PTPRD: variants seen among roughly 807,000 people sequenced by gnomAD.
PTPRD encodes the protein receptor-type tyrosine-protein phosphatase delta.
A neutral mutation model predicts 214.5 loss-of-function variants in PTPRD; 34 were observed. That is an observed-to-expected ratio of 0.16 (90% CI 0.12 to 0.21). The LOEUF (loss-of-function observed/expected upper bound fraction) is 0.21, where lower values mean the gene tolerates loss of function less well. Among genes scored for constraint, PTPRD ranks in the 10% least tolerant of loss-of-function variants. The probability of loss-of-function intolerance (pLI) is 1.00; values close to 1 mark genes in which losing one functional copy is unlikely to be tolerated. For missense variants in PTPRD, 2,545 were observed against 2,398.7 expected (o/e 1.06, Z -1.27); for synonymous variants, 1,128 against 845.7 (o/e 1.33, Z -5.79).
chr9:9,676,090 G>A (rs1311418186), intron 7 of PTPRD, among the ~76,000 whole-genome samples: 2 of 151,868 alleles, frequency 1.3e-5, no homozygotes, highest in South Asian at 4.2e-4. Context: ...TATTCTAAAA[G>A]AATTTTGTGT....
chr9:8,350,075 T>A (rs2075016517), intron 39 of PTPRD, among the ~76,000 whole-genome samples: 1 of 152,162 alleles, frequency 6.6e-6, no homozygotes, highest in Non-Finnish European at 1.5e-5. Flanking sequence ...TTACAACATT[T>A]GTTTTCAATT....
chr9:9,329,131 T>G (rs1238814242), intron 9 of PTPRD, among the ~76,000 whole-genome samples: 1 of 152,132 alleles, frequency 6.6e-6, no homozygotes, highest in African/African-American at 2.4e-5. Flanking sequence ...TGTGCAGTAA[T>G]GTATCTCAGC....
chr9:9,778,294 C>G (rs1318204648), intron 5 of PTPRD, among the ~76,000 whole-genome samples: 6 of 152,104 alleles, frequency 3.9e-5, no homozygotes. Context: ...ATAACTCACT[C>G]TCTCTGTGGA....
chr9:10,330,720 A>G (rs2096733668), intron 3 of PTPRD, among the ~76,000 whole-genome samples: 1 of 151,774 alleles, frequency 6.6e-6, no homozygotes, highest in Non-Finnish European at 1.5e-5. Flanking sequence ...CCAAAGGTGG[A>G]TGTAGGGTGT....
At chr9:9,998,123 A>ATATATATATATATATATATATAT (rs1555449048) in intron 4 of PTPRD, among the ~76,000 whole-genome samples, 1 of 47,734 alleles carries the variant, frequency 2.1e-5, no homozygotes, top group African/African-American at 1.0e-4. Context: ...AATAAAAAAA[A>ATATATATATATATATATATATAT]AAAAAAATAT....
At chr9:9,952,532 C>G (rs1161243302) in intron 4 of PTPRD, among the ~76,000 whole-genome samples, 1 of 152,144 alleles carries the variant, frequency 6.6e-6, no homozygotes, top group African/African-American at 2.4e-5. Context: ...GATTGTTTCT[C>G]ACTCGTTCTG....
At chr9:9,045,324 C>A (rs996988718) in intron 10 of PTPRD, among the ~76,000 whole-genome samples, 2 of 152,164 alleles carry the variant, frequency 1.3e-5, no homozygotes, top group Admixed American at 6.6e-5. Flanking sequence ...TGAACCATTT[C>A]TCTTTAGCAC....
chr9:10,116,168 G>T (rs2197048), intron 3 of PTPRD, among the ~76,000 whole-genome samples: 17,611 of 152,012 alleles, frequency 0.12, 1,127 homozygotes, highest in South Asian at 0.28. Context: ...AAGACCATAG[G>T]AGGTTTGCAG....
Position 8,497,239 on chromosome 9 carries a change from C to A in PTPRD, c.2349+3G>T. On this transcript the variant is annotated splice_donor_region_variant and intron_variant, in intron 26 of 45. Transcript: ENST00000381196. ...TTTGACAAAACAGTCAAAAATTACT[C>A]ACATGTTCAGTAGTATCATCAAATT... 1 of 1,591,742 alleles carries A rather than the reference C, an allele frequency of 6.3e-7. No homozygotes were observed. Among genetic ancestry groups the A allele is most frequent in the South Asian group, 1.2e-5 (1 of 85,720 alleles).
chr9:8,794,022 G>A (rs932988897), intron 11 of PTPRD, among the ~76,000 whole-genome samples: 1 of 152,152 alleles, frequency 6.6e-6, no homozygotes, highest in Non-Finnish European at 1.5e-5. Context: ...GGAAACTAAA[G>A]AAACGTCTTA....
At chr9:8,949,728 T>A (rs1401502549) in intron 11 of PTPRD, among the ~76,000 whole-genome samples, 1 of 152,166 alleles carries the variant, frequency 6.6e-6, no homozygotes, top group Non-Finnish European at 1.5e-5. Context: ...TGAAAATATT[T>A]TGTCTATCTA....
At chr9:8,667,196 G>A (rs2097186997) in intron 12 of PTPRD, among the ~76,000 whole-genome samples, 1 of 152,034 alleles carries the variant, frequency 6.6e-6, no homozygotes, top group South Asian at 2.1e-4. Flanking sequence ...AAAATTAGCT[G>A]GGCGTTGTGG....
In PTPRD at chr9:8,807,564, T is replaced by C. The variant is rs1200340715; in HGVS notation, c.-103-73618A>G. ...TTTCACTAGTTTTCTGTGTGGGTAA[T>C]TTTATTTGTGAATGGTTAAAGAACT... On this transcript the variant is annotated intron_variant, in intron 11 of 45. Coordinates refer to ENST00000381196, the MANE Select transcript of PTPRD (RefSeq NM_002839.4). Among the ~76,000 whole-genome samples the C allele has an allele frequency of 4.6e-5, 7 of 152,226 alleles. No homozygotes were observed. The East Asian group carries it at 5.8e-4, about 13-fold the overall frequency.
At chr9:8,447,806 C>T (rs2095793942) in intron 34 of PTPRD, among the ~76,000 whole-genome samples, 2 of 152,164 alleles carry the variant, frequency 1.3e-5, no homozygotes, top group Non-Finnish European at 2.9e-5. Context: ...GCACAAATGA[C>T]ATTTATGTGA....
chr9:9,534,403 C>T (rs968645641), intron 8 of PTPRD, among the ~76,000 whole-genome samples: 3 of 151,998 alleles, frequency 2.0e-5, no homozygotes, highest in South Asian at 2.1e-4. Flanking sequence ...AAATCTCTCA[C>T]GCCCTTACAT....
At position 9,464,557 on chromosome 9, in the gene PTPRD, T is replaced by A. The variant is rs150278489; in HGVS notation, c.-236-67075A>T. Among the ~76,000 whole-genome samples, 662 of 152,192 alleles carry A rather than the reference T, an allele frequency of 4.3e-3. 1 individual carries two copies. The highest frequency in any genetic ancestry group is 0.014 in the African/African-American group (594 of 41,540). On this transcript the variant is annotated intron_variant, in intron 8 of 45. Transcript: ENST00000381196. ...GAAGTCTAACACAGCATGAGACACA[T>A]TTAGTGGTATGTTTTATTGCTTGAA...
In PTPRD at chr9:9,731,348, T is replaced by C. The variant is rs530822588; in HGVS notation, c.-287+3185A>G. On this transcript the variant is annotated intron_variant, in intron 7 of 45. Transcript: ENST00000381196. ...ATGGCACTCAGTTTTGTAGAGTGTA[T>C]CATGATAATTCAGAATGTTTTTCAA... is the stretch of plus-strand genomic sequence containing the variant. Among the ~76,000 whole-genome samples the C allele has an allele frequency of 4.6e-5, 7 of 152,288 alleles. No homozygotes were observed. In the South Asian group the frequency reaches 1.4e-3, roughly 32 times the overall value.
chr9:8,552,851 T>C (rs529775467), intron 14 of PTPRD, among the ~76,000 whole-genome samples: 9 of 152,178 alleles, frequency 5.9e-5, no homozygotes, highest in Non-Finnish European at 1.0e-4. Context: ...GGCAAGTCAC[T>C]AGCACTGGGG....
chr9:10,587,551 G>A (rs1294152217), intron 2 of PTPRD, among the ~76,000 whole-genome samples: 2 of 151,960 alleles, frequency 1.3e-5, no homozygotes, highest in Admixed American at 1.3e-4. Context: ...AGCTTATGAG[G>A]AGTTGGTTTT....
Sources: gnomAD v4.1 joint callset for allele counts (sites outside exome capture counted in the v4.1 genomes callset) on GRCh38, gnomAD v4.1.1 for gene constraint, MANE v1.5 for transcripts, NCBI Gene and HGNC (gene_info 2026-07-23, HGNC 2026-07-21) for gene names.